LIG1: variants seen among roughly 807,000 people sequenced by gnomAD.
The protein encoded by LIG1 is DNA ligase 1, also known as ligase I, DNA, ATP-dependent.
LIG1 carries 70 observed loss-of-function variants against 115.7 expected under a neutral mutation model. That is an observed-to-expected ratio of 0.60 (90% CI 0.50 to 0.74). LIG1 has a LOEUF of 0.74. Among genes scored for constraint, LIG1 ranks in the 30% least tolerant of loss-of-function variants. The probability of loss-of-function intolerance (pLI) is 0.00; values close to 1 mark genes in which losing one functional copy is unlikely to be tolerated. For missense variants in LIG1, 1,115 were observed against 1,225.6 expected (o/e 0.91, Z 1.35); for synonymous variants, 487 against 495.3 (o/e 0.98, Z 0.22).
intron 25 of LIG1, among the ~76,000 whole-genome samples, chr19:48,118,695 C>G (rs139767090): frequency 2.0e-5 from 3 of 152,066 alleles, no homozygotes; most frequent in African/African-American, 7.3e-5. Context: ...TGCGCCACCA[C>G]GCCCGGCAAG....
chr19:48,126,798 G>A (rs2033698799), intron 21 of LIG1, among the ~76,000 whole-genome samples: 1 of 147,814 alleles, frequency 6.8e-6, no homozygotes, highest in Non-Finnish European at 1.5e-5. Context: ...TGCCCAGGCT[G>A]GTCTTGAACT....
Position 48,137,179 on chromosome 19 carries a change from C to A in LIG1, c.1255-95G>T. The A allele has an allele frequency of 1.9e-6, 2 of 1,046,124 alleles. No homozygotes were observed. The highest frequency in any genetic ancestry group is 2.5e-5 in the East Asian group (1 of 39,530). The allele number at this position is 1,046,124 out of a possible 1,614,324, so 64.8% of individuals were successfully genotyped here. A position where few individuals can be genotyped will look rare whatever the true frequency, so the allele number is the denominator to read the frequency against. ...TGCTGCTGCCCTGCATTTTGGAATACCTGCCCTCCTTCCCTCACCCCATCC... is the reference window on the plus strand; with the variant it reads ...TGCTGCTGCCCTGCATTTTGGAATAACTGCCCTCCTTCCCTCACCCCATCC... On this transcript the variant is annotated intron_variant, in intron 13 of 27. Coordinates refer to ENST00000263274, the MANE Select transcript of LIG1 (RefSeq NM_000234.3). This position sits in a 1 kb window ranked among gnomAD's most constrained non-coding sequence, Gnocchi z 4.3.
chr19:48,156,656 C>T (rs975419458), intron 5 of LIG1, among the ~76,000 whole-genome samples: 12 of 152,058 alleles, frequency 7.9e-5, no homozygotes, highest in African/African-American at 2.2e-4. Flanking sequence ...GAAAGGCAGG[C>T]GACTGGCTGG....
intron 16 of LIG1, among the ~76,000 whole-genome samples, chr19:48,134,843 G>A (rs1055242580): frequency 4.6e-5 from 7 of 152,244 alleles, no homozygotes; most frequent in African/African-American, 1.7e-4. Flanking sequence ...CCCTGGCCCA[G>A]AGCAGGTGCT....
chr19:48,154,429 G>A, intron 5 of LIG1: 1 of 223,558 alleles, frequency 4.5e-6, no homozygotes, highest in Non-Finnish European at 9.2e-6. Flanking sequence ...AAATACCCCA[G>A]CTGCCTCGCA....
intron 21 of LIG1, among the ~76,000 whole-genome samples, chr19:48,126,730 AC>A (rs1398237806): frequency 4.6e-5 from 7 of 151,384 alleles, no homozygotes; most frequent in Non-Finnish European, 8.8e-5. Context: ...CAATATGCTC[AC>A]CCAAATAATA....
intron 24 of LIG1, among the ~76,000 whole-genome samples, chr19:48,119,851 A>G (rs1038132116): frequency 1.3e-5 from 2 of 152,112 alleles, no homozygotes; most frequent in East Asian, 1.9e-4. Context: ...CCCATCTCCA[A>G]TGTTAACACT....
intron 17 of LIG1, 98 bp downstream of exon 17, chr19:48,133,883 G>T: frequency 1.0e-6 from 1 of 959,544 alleles, no homozygotes; most frequent in Non-Finnish European, 1.6e-6. Flanking sequence ...AGAGGACTCT[G>T]CAAGTTCTGA....
chr19:48,148,324 A>C (rs1442688811), intron 9 of LIG1, among the ~76,000 whole-genome samples: 1 of 152,108 alleles, frequency 6.6e-6, no homozygotes, highest in Non-Finnish European at 1.5e-5. Flanking sequence ...AAATACAAAA[A>C]TTAGCCAGGC....
chr19:48,135,889 A>ACGC, intron 15 of LIG1, 110 bp from the exon 16 acceptor site: 3 of 1,022,926 alleles, frequency 2.9e-6, no homozygotes, highest in East Asian at 2.5e-5. Context: ...GCGGCCCAAG[A>ACGC]CGCCCCCTCC....
At chr19:48,154,717 T>C (rs775229661) in intron 5 of LIG1, among the ~76,000 whole-genome samples, 4 of 152,190 alleles carry the variant, frequency 2.6e-5, no homozygotes, top group African/African-American at 7.2e-5. Context: ...TTCACTGTTA[T>C]ATCTCATGTT....
At chr19:48,125,904 C>A (rs528011084) in intron 21 of LIG1, among the ~76,000 whole-genome samples, 41 of 150,106 alleles carry the variant, frequency 2.7e-4, no homozygotes, top group African/African-American at 9.5e-4. Context: ...AGGGGAATCG[C>A]TTGACCCCAG....
At chr19:48,117,033 C>T (rs956870124) in intron 26 of LIG1, among the ~76,000 whole-genome samples, 3 of 151,928 alleles carry the variant, frequency 2.0e-5, no homozygotes, top group African/African-American at 7.2e-5. Flanking sequence ...GGGGTTTCAC[C>T]GTGTTGGTCA....
chr19:48,159,706 C>CTTATTTAT (rs545767355), intron 4 of LIG1, among the ~76,000 whole-genome samples: 3 of 145,988 alleles, frequency 2.1e-5, no homozygotes, highest in African/African-American at 7.9e-5. Flanking sequence ...ATGCCACTTG[C>CTTATTTAT]TTATTTATTT....
intron 4 of LIG1, among the ~76,000 whole-genome samples, chr19:48,157,836 G>C (rs571594668): frequency 6.6e-6 from 1 of 152,170 alleles, no homozygotes; most frequent in Non-Finnish European, 1.5e-5. Context: ...GTGAGCCCCC[G>C]TGCCCAGCCT....
intron 2 of LIG1, 67 bp from the exon 3 acceptor site, chr19:48,162,418 G>A: frequency 4.0e-6 from 4 of 990,454 alleles, no homozygotes; most frequent in Admixed American, 4.0e-5. Context: ...TATCTATGCT[G>A]TATCCTATAA....
At chr19:48,140,626 GGGGA>G (rs2034681440) in intron 11 of LIG1, among the ~76,000 whole-genome samples, 4 of 152,120 alleles carry the variant, frequency 2.6e-5, no homozygotes, top group Non-Finnish European at 5.9e-5. Context: ...GATTGCTCCT[GGGGA>G]TAACATCACT....
At chr19:48,138,982 T>C (rs2034569557) in intron 12 of LIG1, among the ~76,000 whole-genome samples, 1 of 152,144 alleles carries the variant, frequency 6.6e-6, no homozygotes, top group African/African-American at 2.4e-5. Flanking sequence ...TCAGTCCCTC[T>C]GTCCTCTCAT....
At chr19:48,149,276 G>A (rs763436506) in intron 9 of LIG1, among the ~76,000 whole-genome samples, 1 of 152,176 alleles carries the variant, frequency 6.6e-6, no homozygotes, top group Non-Finnish European at 1.5e-5. Flanking sequence ...CAGGCTAGGC[G>A]ACAGAGCAAG....
Sources: gnomAD v4.1 joint callset for allele counts (sites outside exome capture counted in the v4.1 genomes callset) on GRCh38, gnomAD v4.1.1 for gene constraint, Gnocchi (gnomAD v3.1) non-coding constraint, MANE v1.5 for transcripts, NCBI Gene and HGNC (gene_info 2026-07-23, HGNC 2026-07-21) for gene names.